The following FOCAD variants were observed in gnomAD, a reference collection of about 807,000 sequenced individuals.
FOCAD encodes the protein KIAA1797.
A neutral mutation model predicts 225.6 loss-of-function variants in FOCAD; 198 were observed. That is an observed-to-expected ratio of 0.88 (90% confidence interval 0.78 to 0.99). The LOEUF is 0.99. Among genes scored for constraint, FOCAD ranks in the 50% least tolerant of loss-of-function variants. The probability of loss-of-function intolerance (pLI) is 0.00; values close to 1 mark genes in which losing one functional copy is unlikely to be tolerated. For synonymous variants in FOCAD, 897 were observed against 755.0 expected (o/e 1.19, Z -3.08); for missense variants, 2,713 against 2,123.6 (o/e 1.28, Z -5.46).
At chr9:20,695,303 T>A (rs1248873534) in intron 1 of FOCAD, among the ~76,000 whole-genome samples, 1 of 152,150 alleles carries the variant, frequency 6.6e-6, no homozygotes, top group Non-Finnish European at 1.5e-5. Flanking sequence ...CTAAGATGAA[T>A]CAATGGATTC....
intron 27 of FOCAD, among the ~76,000 whole-genome samples, chr9:20,931,314 C>A (rs766218369): frequency 1.6e-4 from 24 of 152,174 alleles, no homozygotes; most frequent in Non-Finnish European, 3.1e-4. Context: ...CAGATTTTAA[C>A]TTTGCCCTAA....
chr9:20,822,062 A>T (rs1824389845), intron 14 of FOCAD, among the ~76,000 whole-genome samples: 1 of 148,452 alleles, frequency 6.7e-6, no homozygotes, highest in Admixed American at 6.7e-5. Context: ...GGGAGTTTGA[A>T]TTTTACTGAG....
intron 13 of FOCAD, 55 bp downstream of exon 13, chr9:20,820,480 A>C: frequency 1.4e-6 from 2 of 1,439,244 alleles, no homozygotes; most frequent in South Asian, 2.3e-5. Context: ...TCACTGAAGG[A>C]AAATAATTAT....
At chr9:20,785,953 A>T (rs1488132479) in intron 10 of FOCAD, among the ~76,000 whole-genome samples, 3 of 152,212 alleles carry the variant, frequency 2.0e-5, no homozygotes, top group South Asian at 4.1e-4. Flanking sequence ...ACATCCTAGT[A>T]GGTGTGAAGT....
intron 19 of FOCAD, 92 bp downstream of exon 19, chr9:20,874,899 T>A (rs1830107947): frequency 1.4e-6 from 2 of 1,466,692 alleles, no homozygotes; most frequent in Non-Finnish European, 1.9e-6. Context: ...TAGTATAGTT[T>A]AACCTTATGT....
intron 11 of FOCAD, among the ~76,000 whole-genome samples, chr9:20,801,103 C>T (rs1055157456): frequency 3.9e-5 from 6 of 152,042 alleles, no homozygotes; most frequent in South Asian, 4.2e-4. Flanking sequence ...TGGAGTTTGC[C>T]GGAGGTCCAC....
intron 1 of FOCAD, among the ~76,000 whole-genome samples, chr9:20,712,093 A>T (rs1363683340): frequency 6.6e-6 from 1 of 152,090 alleles, no homozygotes; most frequent in East Asian, 1.9e-4. Context: ...ATAATATGCA[A>T]CATTATTTAT....
At chr9:20,803,531 G>A (rs1214329733) in intron 11 of FOCAD, among the ~76,000 whole-genome samples, 3 of 152,124 alleles carry the variant, frequency 2.0e-5, no homozygotes, top group African/African-American at 7.2e-5. Context: ...ATGTGTTAGT[G>A]TTCCCTTTGA....
rs751951559 is a variant in FOCAD at position 20,694,909 on chromosome 9, A to T, written c.-33+10616A>T. Among the ~76,000 whole-genome samples the T allele has an allele frequency of 7.2e-4, 109 of 152,182 alleles. 1 individual carries two copies. Among genetic ancestry groups the T allele is most frequent in the Non-Finnish European group, 8.8e-5 (6 of 68,026 alleles). Reference sequence around the variant, plus strand: ...GTTGGGCCAAGATTGTCTTAGTAGAATTGGTTTTTTGAAATCAGAATCATG... The same window carrying T: ...GTTGGGCCAAGATTGTCTTAGTAGATTTGGTTTTTTGAAATCAGAATCATG... On this transcript the variant is annotated intron_variant, in intron 1 of 43. Transcript: ENST00000338382.
chr9:20,767,991 T>G (rs1830204012), intron 7 of FOCAD, among the ~76,000 whole-genome samples: 1 of 152,104 alleles, frequency 6.6e-6, no homozygotes, highest in Admixed American at 6.6e-5. Flanking sequence ...CCATCTTGAA[T>G]TGATTTTTGT....
chr9:20,991,684 G>T (rs1841681898), intron 42 of FOCAD, among the ~76,000 whole-genome samples: 1 of 152,058 alleles, frequency 6.6e-6, no homozygotes, highest in Non-Finnish European at 1.5e-5. Context: ...GTGGTGGTGT[G>T]TGCCTATAAT....
rs535365340 is a variant in FOCAD, at chr9:20,723,345, G to A, written c.287+2811G>A. Among the ~76,000 whole-genome samples, 19 of 152,200 alleles carry A rather than the reference G, an allele frequency of 1.2e-4. 1 individual carries two copies. Among genetic ancestry groups the A allele is most frequent in the African/African-American group, 3.4e-4 (14 of 41,530 alleles). On this transcript the variant is annotated intron_variant, in intron 4 of 43. Coordinates refer to ENST00000338382, the MANE Select transcript of FOCAD (RefSeq NM_001375567.1). ...TCTACTAAAAATACAAAAATTAGCC[G>A]GGCGTGGTGACTTATGCCTGTAATC... is the stretch of plus-strand genomic sequence containing the variant.
chr9:20,918,934 C>G (rs1164308251), intron 24 of FOCAD, among the ~76,000 whole-genome samples: 2 of 152,174 alleles, frequency 1.3e-5, no homozygotes, highest in African/African-American at 4.8e-5. Flanking sequence ...CCACTGCCCG[C>G]TGCCAGCTTA....
intron 18 of FOCAD, among the ~76,000 whole-genome samples, chr9:20,872,485 A>G (rs542650732): frequency 3.6e-3 from 454 of 125,164 alleles, no homozygotes; most frequent in African/African-American, 0.013. Flanking sequence ...CTTTTCCCCG[A>G]CTCCCCACCC....
At chr9:20,866,807 A>G (rs909952889) in intron 17 of FOCAD, 122 bp from the exon 18 acceptor site, 1 of 600,994 alleles carries the variant, frequency 1.7e-6, no homozygotes, top group Non-Finnish European at 2.8e-6. Flanking sequence ...CTGACTGTAG[A>G]ACTTTGGGAT....
intron 5 of FOCAD, among the ~76,000 whole-genome samples, chr9:20,750,289 A>G (rs538754115): frequency 6.6e-6 from 1 of 152,194 alleles, no homozygotes; most frequent in Non-Finnish European, 1.5e-5. Context: ...TGAAAGGGAA[A>G]CAAAAAGATT....
chr9:20,898,864 TGGG>T (rs918262903), intron 21 of FOCAD, among the ~76,000 whole-genome samples: 1 of 151,960 alleles, frequency 6.6e-6, no homozygotes, highest in Non-Finnish European at 1.5e-5. Context: ...GGTAAGGTGT[TGGG>T]GGAGTAGAGT....
Position 20,949,635 on chromosome 9 carries a change from T to C in FOCAD, c.3908T>C (p.Phe1303Ser). 1.9e-6 allele frequency: 3 copies of C among 1,613,312 alleles called. No homozygotes were observed. The highest frequency in any genetic ancestry group is 2.5e-6 in the Non-Finnish European group (3 of 1,179,448). Residue 1303 changes from phenylalanine (F) to serine (S), a missense_variant, in exon 33 of 44, where the codon TTT (phenylalanine) becomes TCT (serine). Coordinates refer to ENST00000338382, the MANE Select transcript of FOCAD (RefSeq NM_001375567.1). ...LKSEAIQTSHFQGRLNEVIRT... is the reference protein window; with the variant it reads ...LKSEAIQTSHSQGRLNEVIRT... ...TCAGAAGCCATCCAGACCTCTCATTTTCAAGGCAGACTTAATGAAGTCATT... is the reference window on the plus strand; with the variant it reads ...TCAGAAGCCATCCAGACCTCTCATTCTCAAGGCAGACTTAATGAAGTCATT...
At chr9:20,786,704 A>G (rs938950897) in intron 10 of FOCAD, among the ~76,000 whole-genome samples, 2 of 152,156 alleles carry the variant, frequency 1.3e-5, no homozygotes, top group Non-Finnish European at 2.9e-5. Flanking sequence ...GTACTATCAG[A>G]TGTTTATCTT....
Sources: gnomAD v4.1 joint callset for allele counts (sites outside exome capture counted in the v4.1 genomes callset) on GRCh38, gnomAD v4.1.1 for gene constraint, MANE v1.5 for transcripts, NCBI Gene and HGNC (gene_info 2026-07-23, HGNC 2026-07-21) for gene names.